The following SH3PXD2A variants were observed in gnomAD, a reference collection of about 807,000 sequenced individuals.
SH3PXD2A encodes the protein SH3 and PX domains 2A.
A neutral mutation model predicts 115.2 loss-of-function variants in SH3PXD2A; 32 were observed. The ratio of observed to expected loss-of-function variants is 0.28; its 90% CI spans 0.21 to 0.37. The LOEUF is 0.37. SH3PXD2A is among the 10% of genes least tolerant of loss of function. The pLI, the probability that SH3PXD2A is intolerant of heterozygous loss-of-function variation, is 1.00. For synonymous variants in SH3PXD2A, 610 were observed against 629.1 expected, an observed-to-expected ratio of 0.97 and a Z score of 0.45; for missense variants, 1,328 against 1,498.7, an observed-to-expected ratio of 0.89 and a Z score of 1.88.
chr10:103,711,575 GGCTACTGA>G (rs2038047338), intron 5 of SH3PXD2A, among the ~76,000 whole-genome samples: 1 of 152,136 alleles, frequency 6.6e-6, no homozygotes, highest in South Asian at 2.1e-4. Context: ...CTCGTCCCCG[GGCTACTGA>G]GCAATCTGTG....
At chr10:103,855,171 A>C in intron 1 of SH3PXD2A, 24 bp downstream of exon 1, 1 of 1,510,376 alleles carries the variant, frequency 6.6e-7, no homozygotes, top group Non-Finnish European at 8.9e-7. Context: ...CACCCCCAGC[A>C]GGGTCGGCGG....
intron 5 of SH3PXD2A, among the ~76,000 whole-genome samples, chr10:103,709,619 C>A (rs1490274013): frequency 1.3e-5 from 2 of 152,208 alleles, no homozygotes; most frequent in Non-Finnish European, 2.9e-5. Context: ...AGACTGCATG[C>A]TGGGCAGCAT....
At chr10:103,738,043 T>C (rs554981199) in intron 3 of SH3PXD2A, among the ~76,000 whole-genome samples, 4 of 152,328 alleles carry the variant, frequency 2.6e-5, no homozygotes, top group African/African-American at 9.6e-5. Flanking sequence ...CAATGAGTGC[T>C]TGCTGGGTCA....
chr10:103,596,685 TCAC>T lies in SH3PXD2A; in HGVS notation c.*5128_*5130del, dbSNP rs1471400249. 1.1e-4 allele frequency: 8 copies of T among 73,856 alleles called. No individual in the cohort carries two copies. Among genetic ancestry groups the T allele is most frequent in the African/African-American group, 2.4e-4 (7 of 29,000 alleles). 4.6% of individuals were successfully genotyped at this position (73,856 alleles called of 1,614,324 possible). On this transcript the variant is annotated 3_prime_UTR_variant, in exon 15 of 15. Transcript: ENST00000369774. ...CACACTCTCTCTCTCTCTCTCTCTCTCACAACACATGGCCCTCAAAAAAGTGAG... is the reference window on the plus strand; with the variant it reads ...CACACTCTCTCTCTCTCTCTCTCTCTAACACATGGCCCTCAAAAAAGTGAG...
intron 12 of SH3PXD2A, 94 bp downstream of exon 12, chr10:103,612,759 G>A (rs2036447291): frequency 6.2e-6 from 5 of 802,716 alleles, no homozygotes; most frequent in Non-Finnish European, 9.7e-6. Context: ...AAAACGCCAT[G>A]GGGGTCCTGT....
At chr10:103,723,548 G>T (rs866213116) in intron 5 of SH3PXD2A, among the ~76,000 whole-genome samples, 2 of 152,072 alleles carry the variant, frequency 1.3e-5, no homozygotes, top group Admixed American at 6.6e-5. Context: ...ATTTCAGAGA[G>T]AAAAAAGACC....
At chr10:103,830,350 A>G (rs1422010918) in intron 1 of SH3PXD2A, among the ~76,000 whole-genome samples, 1 of 152,170 alleles carries the variant, frequency 6.6e-6, no homozygotes, top group Non-Finnish European at 1.5e-5. Flanking sequence ...ATCGGTCCTT[A>G]GGGAGAAGTG....
intron 3 of SH3PXD2A, among the ~76,000 whole-genome samples, chr10:103,740,147 C>T (rs2134190696): frequency 6.6e-6 from 1 of 152,348 alleles, no homozygotes; most frequent in Middle Eastern, 3.4e-3. Flanking sequence ...CACTGAATTC[C>T]CTCCCTTCAT....
intron 1 of SH3PXD2A, among the ~76,000 whole-genome samples, chr10:103,850,196 C>T (rs1456186577): frequency 3.3e-5 from 5 of 152,176 alleles, no homozygotes; most frequent in Admixed American, 1.3e-4. Context: ...GAATCGGTCT[C>T]CTCTGACATC....
intron 2 of SH3PXD2A, among the ~76,000 whole-genome samples, chr10:103,799,784 C>T (rs1182271365): frequency 6.6e-6 from 1 of 152,170 alleles, no homozygotes; most frequent in Admixed American, 6.5e-5. Flanking sequence ...TCAGCAAACC[C>T]CACCAGATTA....
At chr10:103,849,690 T>C (rs1842879776) in intron 1 of SH3PXD2A, among the ~76,000 whole-genome samples, 1 of 152,240 alleles carries the variant, frequency 6.6e-6, no homozygotes, top group South Asian at 2.1e-4. Flanking sequence ...GGAATCCGCC[T>C]CTGGAAGCCC....
chr10:103,681,931 C>G (rs148421849), intron 6 of SH3PXD2A, among the ~76,000 whole-genome samples: 1 of 152,220 alleles, frequency 6.6e-6, no homozygotes, highest in Non-Finnish European at 1.5e-5. Flanking sequence ...TGAAAAAATG[C>G]AGATACCTGG....
intron 1 of SH3PXD2A, among the ~76,000 whole-genome samples, chr10:103,842,704 C>T (rs1341733629): frequency 6.6e-6 from 1 of 152,156 alleles, no homozygotes; most frequent in Non-Finnish European, 1.5e-5. Context: ...CCAGTTCCAT[C>T]CACGTTGCTG....
At chr10:103,741,096 A>G (rs749293241) in intron 3 of SH3PXD2A, among the ~76,000 whole-genome samples, 1 of 152,214 alleles carries the variant, frequency 6.6e-6, no homozygotes, top group Non-Finnish European at 1.5e-5. Context: ...CTAGAGAAGA[A>G]TTTAGAGAAT....
chr10:103,701,271 A>G (rs897759742), intron 5 of SH3PXD2A, among the ~76,000 whole-genome samples: 2 of 144,880 alleles, frequency 1.4e-5, no homozygotes, highest in Non-Finnish European at 3.0e-5. Flanking sequence ...CCATCCATCC[A>G]TCATCTATCC....
intron 8 of SH3PXD2A, among the ~76,000 whole-genome samples, chr10:103,642,147 C>CT (rs35382988): frequency 0.021 from 2,948 of 141,204 alleles, 86 homozygotes; most frequent in African/African-American, 0.068. Context: ...AGCAATTTGC[C>CT]TTTTTTTTTT....
chr10:103,674,491 C>T lies in SH3PXD2A; in HGVS notation c.428-5839G>A, dbSNP rs926020751. Among the ~76,000 whole-genome samples, 15 of 152,286 alleles carry T rather than the reference C, an allele frequency of 9.8e-5. No homozygotes were observed. The East Asian group carries it at 1.5e-3, about 16-fold the overall frequency. On this transcript the variant is annotated intron_variant, in intron 6 of 14. Transcript: ENST00000369774. ...ACGTGAATGTCATCTGGGAAAAACA[C>T]GGATGGCCAATTCGTAATTCTTTAA... is the stretch of plus-strand genomic sequence containing the variant.
intron 5 of SH3PXD2A, among the ~76,000 whole-genome samples, chr10:103,718,507 G>A (rs1236748785): frequency 1.3e-5 from 2 of 152,180 alleles, no homozygotes; most frequent in African/African-American, 2.4e-5. Context: ...GGGCTGGAGG[G>A]GCCTAACAGA....
intron 7 of SH3PXD2A, among the ~76,000 whole-genome samples, chr10:103,661,448 C>T (rs974964930): frequency 2.0e-5 from 3 of 152,222 alleles, no homozygotes; most frequent in African/African-American, 7.2e-5. Flanking sequence ...ATGAGTTAGT[C>T]ACAGCCCGGC....
Sources: allele counts gnomAD v4.1 joint callset (sites outside exome capture counted in the v4.1 genomes callset), GRCh38; gene constraint gnomAD v4.1.1; transcripts MANE v1.5; gene names NCBI Gene and HGNC (gene_info 2026-07-23, HGNC 2026-07-21).